TBC1D30: variants seen among roughly 807,000 people sequenced by gnomAD.
TBC1D30 encodes the protein TBC1 domain family member 30.
A neutral mutation model predicts 63.2 loss-of-function variants in TBC1D30; 31 were observed. The observed-to-expected ratio is 0.49, with a 90% CI of 0.37 to 0.66. The LOEUF (loss-of-function observed/expected upper bound fraction) is 0.66, where lower values mean the gene tolerates loss of function less well. Ranked by LOEUF, TBC1D30 falls within the 30% of genes least tolerant of loss-of-function variation. The pLI, the probability that TBC1D30 is intolerant of heterozygous loss-of-function variation, is 0.00. For synonymous variants in TBC1D30, 307 were observed against 361.5 expected (o/e 0.85, Z 1.71); for missense variants, 810 against 953.6 (o/e 0.85, Z 1.98).
chr12:64,871,018 C>G (rs530002972), intron 11 of TBC1D30, among the ~76,000 whole-genome samples: 5 of 152,274 alleles, frequency 3.3e-5, no homozygotes, highest in African/African-American at 9.6e-5. Context: ...TCTTTTTAGG[C>G]CCCAAGGACC....
At chr12:64,809,032 G>A (rs1873048216) in intron 2 of TBC1D30, among the ~76,000 whole-genome samples, 1 of 152,096 alleles carries the variant, frequency 6.6e-6, no homozygotes, top group Non-Finnish European at 1.5e-5. Flanking sequence ...TTTAAAACAT[G>A]GCAAGTCTGT....
At chr12:64,807,631 A>G (rs1431167051) in intron 2 of TBC1D30, among the ~76,000 whole-genome samples, 1 of 152,188 alleles carries the variant, frequency 6.6e-6, no homozygotes, top group Non-Finnish European at 1.5e-5. Flanking sequence ...TGGTTTTCCT[A>G]ATATGCCATT....
chr12:64,849,178 C>T (rs576719341), intron 8 of TBC1D30, among the ~76,000 whole-genome samples: 2 of 152,172 alleles, frequency 1.3e-5, no homozygotes, highest in South Asian at 2.1e-4. Flanking sequence ...GATATTAGCC[C>T]TTTGTCAAAT....
At chr12:64,872,237 A>G (rs1878712942) in intron 11 of TBC1D30, among the ~76,000 whole-genome samples, 1 of 152,180 alleles carries the variant, frequency 6.6e-6, no homozygotes, top group African/African-American at 2.4e-5. Context: ...CATGTTGGCC[A>G]GGCTGGTCTT....
intron 2 of TBC1D30, among the ~76,000 whole-genome samples, chr12:64,795,223 T>G (rs1041768677): frequency 2.6e-5 from 4 of 152,152 alleles, no homozygotes; most frequent in Non-Finnish European, 5.9e-5. Context: ...CTGGTCAGAT[T>G]CTTCAAGGAA....
At chr12:64,836,771 C>G (rs916395831) in intron 6 of TBC1D30, 113 bp downstream of exon 6, 15 of 1,084,194 alleles carry the variant, frequency 1.4e-5, no homozygotes, top group Non-Finnish European at 1.9e-5. Context: ...TTTGTAAGAG[C>G]TTGGTGTAAT....
intron 2 of TBC1D30, among the ~76,000 whole-genome samples, chr12:64,798,805 CTTTTTTTT>C (rs1227349778): frequency 7.9e-6 from 1 of 127,220 alleles, no homozygotes; most frequent in African/African-American, 3.1e-5. Flanking sequence ...CTTCAGGCAC[CTTTTTTTT>C]TTTTTTTTTT....
chr12:64,797,013 T>G (rs1872316161), intron 2 of TBC1D30, among the ~76,000 whole-genome samples: 1 of 114,924 alleles, frequency 8.7e-6, no homozygotes, highest in African/African-American at 3.5e-5. Flanking sequence ...TATCTTCAAG[T>G]ATCATTCTCC....
At chr12:64,779,508 G>C (rs1871171659), upstream of TBC1D30, among the ~76,000 whole-genome samples, 1 of 151,828 alleles carries the variant, frequency 6.6e-6, no homozygotes, top group Non-Finnish European at 1.5e-5. Flanking sequence ...TTCAAAAAGG[G>C]CCCTTTTATT....
At chr12:64,790,712 A>C (rs145797832) in intron 2 of TBC1D30, among the ~76,000 whole-genome samples, 7 of 152,340 alleles carry the variant, frequency 4.6e-5, no homozygotes, top group African/African-American at 1.2e-4. Flanking sequence ...TAAATGCCTA[A>C]AATGCCTGGT....
intron 6 of TBC1D30, 111 bp from the exon 7 acceptor site, chr12:64,838,572 C>G (rs1875569933): frequency 4.8e-6 from 5 of 1,048,354 alleles, no homozygotes; most frequent in Non-Finnish European, 6.7e-6. Context: ...ATGAAGAAAT[C>G]AGTCAGGAAA....
intron 7 of TBC1D30, among the ~76,000 whole-genome samples, chr12:64,842,766 G>A (rs1875992963): frequency 6.6e-6 from 1 of 152,154 alleles, no homozygotes; most frequent in Non-Finnish European, 1.5e-5. Flanking sequence ...TCATGGTTAT[G>A]CTTTCTAACG....
At chr12:64,781,053 T>G in exon 1 of TBC1D30, 5 of 1,019,294 alleles carry the variant, frequency 4.9e-6, no homozygotes, top group Non-Finnish European at 5.9e-6. Flanking sequence ...GCGTCCCTGG[T>G]GAGCGGGCTG....
intron 2 of TBC1D30, among the ~76,000 whole-genome samples, chr12:64,807,792 CTGG>C (rs747685647): frequency 2.6e-4 from 40 of 151,910 alleles, no homozygotes; most frequent in Non-Finnish European, 5.3e-4. Flanking sequence ...GTTGCCTATG[CTGG>C]AATGCAGTGG....
At chr12:64,832,889 C>T (rs1874994729) in intron 5 of TBC1D30, among the ~76,000 whole-genome samples, 1 of 152,138 alleles carries the variant, frequency 6.6e-6, no homozygotes. Context: ...TGGCTGGCAC[C>T]CCCAAAGTGA....
upstream of TBC1D30, among the ~76,000 whole-genome samples, chr12:64,819,892 T>C (rs1873786167): frequency 6.6e-6 from 1 of 152,100 alleles, no homozygotes; most frequent in South Asian, 2.1e-4. Context: ...TTATCACAGG[T>C]GCAAAATGTC....
chr12:64,818,313 T>C (rs1873675989), intron 2 of TBC1D30: 13 of 820,688 alleles, frequency 1.6e-5, no homozygotes, highest in Non-Finnish European at 1.9e-5. Flanking sequence ...TGGGAAAACA[T>C]TGCAACATAT....
At chr12:64,843,316 C>A in intron 7 of TBC1D30, 64 bp from the exon 8 acceptor site, 1 of 1,354,644 alleles carries the variant, frequency 7.4e-7, no homozygotes, top group Non-Finnish European at 1.0e-6. Flanking sequence ...ATACCTGCAG[C>A]ATGTACTGTT....
intron 2 of TBC1D30, among the ~76,000 whole-genome samples, chr12:64,788,969 G>A (rs1871756035): frequency 6.6e-6 from 1 of 152,074 alleles, no homozygotes; most frequent in South Asian, 2.1e-4. Context: ...TCCAGTAGTT[G>A]CATGTTTTGC....
Sources: gnomAD v4.1 joint callset for allele counts (sites outside exome capture counted in the v4.1 genomes callset) on GRCh38, gnomAD v4.1.1 for gene constraint, MANE v1.5 for transcripts, NCBI Gene and HGNC (gene_info 2026-07-23, HGNC 2026-07-21) for gene names.